Variants in PTPRZ1 observed in about 807,000 individuals in gnomAD.
PTPRZ1 encodes the protein receptor-type tyrosine-protein phosphatase zeta.
Under a neutral mutation model 214.1 loss-of-function variants are expected in PTPRZ1, and 82 were observed. The observed-to-expected ratio is 0.38, with a 90% confidence interval of 0.32 to 0.46. The LOEUF is 0.46. Ranked by LOEUF, PTPRZ1 falls within the 20% of genes least tolerant of loss-of-function variation. The pLI, the probability that PTPRZ1 is intolerant of heterozygous loss-of-function variation, is 1.00. For synonymous variants in PTPRZ1, 945 were observed against 987.9 expected, an observed-to-expected ratio of 0.96 and a Z score of 0.81; for missense variants, 2,603 against 2,748.7, an observed-to-expected ratio of 0.95 and a Z score of 1.19.
intron 13 of PTPRZ1, among the ~76,000 whole-genome samples, chr7:122,023,862 A>T (rs954264506): frequency 7.2e-6 from 1 of 139,222 alleles, no homozygotes; most frequent in Non-Finnish European, 1.5e-5. Context: ...AAAAAAAAAA[A>T]GATTGTAGCC....
At chr7:121,898,529 C>CT (rs1232401192) in intron 1 of PTPRZ1, among the ~76,000 whole-genome samples, 1 of 151,854 alleles carries the variant, frequency 6.6e-6, no homozygotes, top group Non-Finnish European at 1.5e-5. Context: ...TGATGTCAGC[C>CT]TTCATTTTTT....
chr7:121,972,283 G>C (rs1797274457), intron 3 of PTPRZ1, among the ~76,000 whole-genome samples: 1 of 152,028 alleles, frequency 6.6e-6, no homozygotes, highest in South Asian at 2.1e-4. Flanking sequence ...CAAACAAACA[G>C]AGCAGGTGGA....
intron 2 of PTPRZ1, among the ~76,000 whole-genome samples, chr7:121,944,271 A>G (rs1289746084): frequency 6.6e-6 from 1 of 152,066 alleles, no homozygotes; most frequent in African/African-American, 2.4e-5. Flanking sequence ...TTCCTTTTTT[A>G]TAATCTTTGT....
At chr7:122,030,591 CCA>C (rs1156637560) in intron 14 of PTPRZ1, among the ~76,000 whole-genome samples, 1 of 151,922 alleles carries the variant, frequency 6.6e-6, no homozygotes, top group East Asian at 1.9e-4. Flanking sequence ...CAGATGGATT[CCA>C]GTTTTTTTTT....
At chr7:121,968,225 T>A in intron 3 of PTPRZ1, 95 bp downstream of exon 3, 1 of 1,096,798 alleles carries the variant, frequency 9.1e-7, no homozygotes, top group Non-Finnish European at 1.3e-6. Flanking sequence ...AATAGTGTAC[T>A]ATGAACTAGA....
intron 13 of PTPRZ1, among the ~76,000 whole-genome samples, chr7:122,025,330 C>CTTTTTTTTTTT (rs766588678): frequency 2.3e-5 from 3 of 132,870 alleles, no homozygotes; most frequent in Admixed American, 7.6e-5. Context: ...CTTTTTTTTT[C>CTTTTTTTTTTT]TTTTTTTTTT....
intron 23 of PTPRZ1, among the ~76,000 whole-genome samples, chr7:122,049,893 T>C (rs1004577621): frequency 5.3e-5 from 8 of 152,178 alleles, no homozygotes; most frequent in Admixed American, 5.2e-4. Context: ...TATGATGTGA[T>C]ATAATAGTAT....
At chr7:122,054,291 A>G (rs1299891771) in intron 26 of PTPRZ1, among the ~76,000 whole-genome samples, 1 of 152,194 alleles carries the variant, frequency 6.6e-6, no homozygotes, top group East Asian at 1.9e-4. Flanking sequence ...ACATTGCTTA[A>G]GAAAATTAGA....
intron 20 of PTPRZ1, 80 bp from the exon 21 acceptor site, chr7:122,040,728 CCGTGTGTG>C: frequency 1.3e-6 from 1 of 755,442 alleles, no homozygotes. Context: ...TGTTGAAGAA[CCGTGTGTG>C]TGTGTGTGTG....
At chr7:122,053,222 TG>T (rs1378119695) in intron 25 of PTPRZ1, among the ~76,000 whole-genome samples, 1 of 152,072 alleles carries the variant, frequency 6.6e-6, no homozygotes, top group Non-Finnish European at 1.5e-5. Flanking sequence ...AGGTTTTCCA[TG>T]GGGAGTTTTA....
chr7:121,908,500 GT>G, intron 1 of PTPRZ1: 1 of 362,640 alleles, frequency 2.8e-6, no homozygotes, highest in South Asian at 2.2e-5. Flanking sequence ...CATAAGATTT[GT>G]TTTTTACCTA....
intron 13 of PTPRZ1, among the ~76,000 whole-genome samples, chr7:122,023,347 A>G (rs1035850489): frequency 6.6e-6 from 1 of 150,750 alleles, no homozygotes; most frequent in East Asian, 1.9e-4. Context: ...GGGCATGTCA[A>G]TTACCCACCT....
At chr7:121,880,574 A>G (rs992028590) in intron 1 of PTPRZ1, among the ~76,000 whole-genome samples, 4 of 152,184 alleles carry the variant, frequency 2.6e-5, no homozygotes, top group Admixed American at 1.3e-4. Context: ...CTCTGAACTG[A>G]TTAACTCAGT....
At chr7:122,038,481 T>C (rs1487407062) in intron 18 of PTPRZ1, among the ~76,000 whole-genome samples, 1 of 151,006 alleles carries the variant, frequency 6.6e-6, no homozygotes, top group African/African-American at 2.4e-5. Flanking sequence ...CACAGAATTA[T>C]AGTTGTGTCA....
Position 122,058,903 on chromosome 7 carries a change from A to C in PTPRZ1, c.6632A>C (p.Glu2211Ala), listed in dbSNP as rs1451332787. Reference protein sequence around the residue: ...TFELISVIKEEAANRDGPMIV... With the variant: ...TFELISVIKEAAANRDGPMIV... The stretch of plus-strand genomic sequence containing the variant: ...GAACTTATAAGTGTTATAAAAGAAG[A>C]AGCTGCCAATAGGGATGGGCCTATG... The change falls in exon 28 of 30, where the codon GAA (glutamate) becomes GCA (alanine). Residue 2211 changes from glutamate (E) to alanine (A), a missense_variant. Physicochemically the swap from Glu to Ala is moderately radical, Grantham distance 107 (BLOSUM62 -1). Transcript: ENST00000393386. 1 of 1,593,808 alleles carries C rather than the reference A, an allele frequency of 6.3e-7. No individual in the cohort carries two copies. Among genetic ancestry groups the C allele is most frequent in the Admixed American group, 1.7e-5 (1 of 59,956 alleles).
Position 121,983,836 on chromosome 7 carries a change from T to C in PTPRZ1, c.777+14T>C, listed in dbSNP as rs763451924. 2 of 1,606,622 alleles carry C rather than the reference T, an allele frequency of 1.2e-6. No homozygotes were observed. The highest frequency in any genetic ancestry group is 3.4e-5 in the Admixed American group (2 of 58,672). ...TCTGAAAGCCAGGTAATCTTAGAAATTCAAACAAATCAAGTAATTCAAAGC... is the reference window on the plus strand; with the variant it reads ...TCTGAAAGCCAGGTAATCTTAGAAACTCAAACAAATCAAGTAATTCAAAGC... On this transcript the variant is annotated intron_variant, in intron 7 of 29. Coordinates refer to ENST00000393386, the MANE Select transcript of PTPRZ1 (RefSeq NM_002851.3).
At position 122,061,304 on chromosome 7, in the gene PTPRZ1, A is replaced by G. The variant is rs762870429; in HGVS notation, c.*84A>G. 46 of 1,289,460 alleles carry G rather than the reference A, an allele frequency of 3.6e-5. No homozygotes were observed. The Admixed American group carries it at 7.4e-4, about 21-fold the overall frequency. 79.9% of individuals were successfully genotyped at this position (1,289,460 alleles called of 1,614,324 possible). A position where few individuals can be genotyped will look rare whatever the true frequency, so the allele number is the denominator to read the frequency against. ...GCAGGAAAATCAGTCTAGTTCTGTT[A>G]TCTGTTGATTTCCCATCACCTGACA... On this transcript the variant is annotated 3_prime_UTR_variant, in exon 30 of 30. Transcript: ENST00000393386.
rs79930101 is a variant in PTPRZ1 at position 121,964,474 on chromosome 7, C to T, written c.125-3477C>T. Reference sequence around the variant, plus strand: ...GTCATGAGTACAGGATGGGGGAAACCGCCTCAATGATTCAATTGTCTCCAC... The same window carrying T: ...GTCATGAGTACAGGATGGGGGAAACTGCCTCAATGATTCAATTGTCTCCAC... On this transcript the variant is annotated intron_variant, in intron 2 of 29. Transcript: ENST00000393386. Among the ~76,000 whole-genome samples the T allele has an allele frequency of 4.2e-3, 642 of 152,168 alleles. 5 individuals carry two copies. The highest frequency in any genetic ancestry group is 0.015 in the African/African-American group (612 of 41,500).
chr7:121,940,954 T>A lies in PTPRZ1; in HGVS notation c.124+12733T>A, dbSNP rs139040942. On this transcript the variant is annotated intron_variant, in intron 2 of 29. Transcript: ENST00000393386. Reference sequence around the variant, plus strand: ...CAGGTCTCTCCGATTCTGTTTATAATCCTGCCTGAATAGCAGACTATGCAC... The same window carrying A: ...CAGGTCTCTCCGATTCTGTTTATAAACCTGCCTGAATAGCAGACTATGCAC... Among the ~76,000 whole-genome samples the A allele has an allele frequency of 3.4e-3, 512 of 152,302 alleles. 2 individuals are homozygous for A. Among genetic ancestry groups the A allele is most frequent in the African/African-American group, 0.012 (490 of 41,554 alleles).
Sources: allele counts gnomAD v4.1 joint callset (sites outside exome capture counted in the v4.1 genomes callset), GRCh38; gene constraint gnomAD v4.1.1; transcripts MANE v1.5; gene names NCBI Gene and HGNC (gene_info 2026-07-23, HGNC 2026-07-21).